Variants in FAM193A observed in about 807,000 individuals in gnomAD.
FAM193A encodes protein FAM193A.
Under a neutral mutation model 126.5 loss-of-function variants are expected in FAM193A, and 22 were observed. The observed-to-expected ratio is 0.17, with a 90% CI of 0.12 to 0.25. The LOEUF (loss-of-function observed/expected upper bound fraction) is 0.25, where lower values mean the gene tolerates loss of function less well. Ranked by LOEUF, FAM193A falls within the 10% of genes least tolerant of loss-of-function variation. The probability of loss-of-function intolerance (pLI) is 1.00; values close to 1 mark genes in which losing one functional copy is unlikely to be tolerated. For missense variants in FAM193A, 1,675 were observed against 1,672.8 expected (o/e 1.00, Z -0.02); for synonymous variants, 761 against 646.8 (o/e 1.18, Z -2.68).
At chr4:2,586,444 G>T (rs990972374) in intron 1 of FAM193A, among the ~76,000 whole-genome samples, 3 of 151,324 alleles carry the variant, frequency 2.0e-5, no homozygotes, top group African/African-American at 7.3e-5. Flanking sequence ...TTTTCCCCCC[G>T]GTTTGGGTAT....
intron 20 of FAM193A, among the ~76,000 whole-genome samples, chr4:2,717,387 GGAGTTCGAGAC>G (rs1719658202): frequency 6.6e-6 from 1 of 152,240 alleles, no homozygotes. Flanking sequence ...GATCAGGTCA[GGAGTTCGAGAC>G]GAGCCTGGCC....
intron 1 of FAM193A, among the ~76,000 whole-genome samples, chr4:2,550,945 C>T (rs1488843815): frequency 1.3e-5 from 2 of 151,990 alleles, no homozygotes; most frequent in South Asian, 2.1e-4. Flanking sequence ...GGACTGCAGG[C>T]GTCCGCCACC....
intron 12 of FAM193A, among the ~76,000 whole-genome samples, chr4:2,666,915 A>G (rs992483164): frequency 5.9e-5 from 9 of 152,114 alleles, no homozygotes; most frequent in African/African-American, 1.7e-4. Context: ...AGATTTGTCA[A>G]TTTCTCTGTT....
chr4:2,581,669 G>A (rs116390825), intron 1 of FAM193A, among the ~76,000 whole-genome samples: 4,368 of 151,750 alleles, frequency 0.029, 222 homozygotes, highest in African/African-American at 0.099. Flanking sequence ...TTTTTGAGAC[G>A]GAGTCTCGCT....
chr4:2,649,361 T>G, intron 7 of FAM193A, among the ~76,000 whole-genome samples: 2 of 133,104 alleles, frequency 1.5e-5, no homozygotes, highest in Admixed American at 8.1e-5. Flanking sequence ...GGTGACAGAG[T>G]GAGACCCTGT....
At chr4:2,631,358 G>T (rs1337478073) in intron 5 of FAM193A, among the ~76,000 whole-genome samples, 189 bp downstream of exon 5, 2 of 152,056 alleles carry the variant, frequency 1.3e-5, no homozygotes, top group African/African-American at 2.4e-5. Flanking sequence ...TTTGCCACTG[G>T]ATAAAAGCAT....
chr4:2,594,665 G>T (rs1032903081), intron 1 of FAM193A, among the ~76,000 whole-genome samples: 3 of 152,124 alleles, frequency 2.0e-5, no homozygotes, highest in African/African-American at 7.2e-5. Context: ...CTAAGGTGCA[G>T]AGGCAGCCCT....
At chr4:2,544,211 A>G (rs1737412738) in intron 1 of FAM193A, among the ~76,000 whole-genome samples, 1 of 152,216 alleles carries the variant, frequency 6.6e-6, no homozygotes, top group Non-Finnish European at 1.5e-5. Flanking sequence ...TGCAGAGAGC[A>G]TGTCTGTGAT....
At chr4:2,616,319 A>C (rs1249195550) in intron 2 of FAM193A, among the ~76,000 whole-genome samples, 1 of 152,052 alleles carries the variant, frequency 6.6e-6, no homozygotes, top group Non-Finnish European at 1.5e-5. Context: ...GCCTTTTTTC[A>C]TTAGTGTGTA....
chr4:2,624,765 C>T (rs753067564), intron 2 of FAM193A, among the ~76,000 whole-genome samples: 4 of 152,198 alleles, frequency 2.6e-5, no homozygotes, highest in African/African-American at 7.2e-5. Context: ...TGGTCTCAAA[C>T]GTCTGGGCTC....
At chr4:2,611,510 G>C (rs529737348) in intron 2 of FAM193A, among the ~76,000 whole-genome samples, 1 of 151,992 alleles carries the variant, frequency 6.6e-6, no homozygotes, top group Admixed American at 6.6e-5. Context: ...CCGACCTCAG[G>C]TGATCCACCC....
intron 2 of FAM193A, among the ~76,000 whole-genome samples, chr4:2,615,646 G>A (rs1347733272): frequency 1.3e-5 from 2 of 152,030 alleles, no homozygotes; most frequent in Non-Finnish European, 2.9e-5. Flanking sequence ...AGTCTCCCAA[G>A]TAGCTGGGAC....
At chr4:2,644,384 G>A (rs1744929011) in intron 6 of FAM193A, among the ~76,000 whole-genome samples, 1 of 152,170 alleles carries the variant, frequency 6.6e-6, no homozygotes, top group African/African-American at 2.4e-5. Flanking sequence ...GATGGAATTG[G>A]GTAGAAGCTG....
intron 2 of FAM193A, among the ~76,000 whole-genome samples, chr4:2,624,868 G>C (rs114889060): frequency 0.013 from 2,033 of 152,214 alleles, 37 homozygotes; most frequent in African/African-American, 0.047. Context: ...GTATGTATGT[G>C]TGTGTCTGTG....
chr4:2,655,470 C>T (rs915117771), intron 7 of FAM193A, among the ~76,000 whole-genome samples: 8 of 151,486 alleles, frequency 5.3e-5, no homozygotes, highest in African/African-American at 1.7e-4. Flanking sequence ...TGTGTGTATT[C>T]GGACAGCTAT....
intron 1 of FAM193A, among the ~76,000 whole-genome samples, chr4:2,550,295 C>G (rs150581979): frequency 0.012 from 1,845 of 152,188 alleles, 21 homozygotes; most frequent in South Asian, 0.018. Context: ...ATCTACCTGC[C>G]TTGGCCTCTC....
intron 1 of FAM193A, among the ~76,000 whole-genome samples, chr4:2,580,101 C>A (rs1739833742): frequency 6.6e-6 from 1 of 152,022 alleles, no homozygotes; most frequent in Non-Finnish European, 1.5e-5. Flanking sequence ...ACTATGCAGC[C>A]ATAAAAAAGA....
chr4:2,650,212 C>T (rs1745527825), intron 7 of FAM193A, among the ~76,000 whole-genome samples: 1 of 152,190 alleles, frequency 6.6e-6, no homozygotes, highest in African/African-American at 2.4e-5. Context: ...CCAGAACCAT[C>T]CCCTTGCCTC....
intron 13 of FAM193A, among the ~76,000 whole-genome samples, chr4:2,685,551 G>A (rs953975225): frequency 1.3e-5 from 2 of 152,136 alleles, no homozygotes; most frequent in African/African-American, 2.4e-5. Flanking sequence ...ATGGTCCTTC[G>A]CCTCTTTACC....
Sources: allele counts gnomAD v4.1 joint callset (sites outside exome capture counted in the v4.1 genomes callset), GRCh38; gene constraint gnomAD v4.1.1; transcripts MANE v1.5; gene names NCBI Gene and HGNC (gene_info 2026-07-23, HGNC 2026-07-21).